PAN3: variants seen among roughly 807,000 people sequenced by gnomAD.
PAN3 encodes poly(A) specific ribonuclease subunit PAN3, also known as PAN2-PAN3 deadenylation complex subunit PAN3.
PAN3 carries 19 observed loss-of-function variants against 96.2 expected under a neutral mutation model. That is an observed-to-expected ratio of 0.20 (90% CI 0.14 to 0.29). The LOEUF is 0.29. Among genes scored for constraint, PAN3 ranks in the 10% least tolerant of loss-of-function variants. The probability of loss-of-function intolerance (pLI) is 1.00; values close to 1 mark genes in which losing one functional copy is unlikely to be tolerated. For missense variants in PAN3, 882 were observed against 1,108.1 expected, an observed-to-expected ratio of 0.80 and a Z score of 2.90; for synonymous variants, 433 against 406.6, an observed-to-expected ratio of 1.06 and a Z score of -0.78.
chr13:28,250,056 T>C (rs138746604), intron 6 of PAN3, among the ~76,000 whole-genome samples: 273 of 152,332 alleles, frequency 1.8e-3, no homozygotes, highest in African/African-American at 6.2e-3. Context: ...TTTCATTGTT[T>C]AGTGTTGCTG....
intron 9 of PAN3, among the ~76,000 whole-genome samples, chr13:28,264,203 TG>T (rs1885970442): frequency 1.3e-5 from 2 of 152,164 alleles, no homozygotes; most frequent in South Asian, 4.1e-4. Flanking sequence ...GTATAAAAAA[TG>T]TAAATAATTG....
intron 6 of PAN3, among the ~76,000 whole-genome samples, chr13:28,226,344 T>C (rs1217569994): frequency 6.6e-6 from 1 of 152,170 alleles, no homozygotes; most frequent in Non-Finnish European, 1.5e-5. Flanking sequence ...ATGGATTCTG[T>C]GGGATAGTCA....
At chr13:28,288,390 C>T (rs1466998481) in intron 18 of PAN3, among the ~76,000 whole-genome samples, 1 of 152,142 alleles carries the variant, frequency 6.6e-6, no homozygotes, top group Non-Finnish European at 1.5e-5. Context: ...ACCTCTGCCT[C>T]CCGGGTTCAA....
intron 5 of PAN3, among the ~76,000 whole-genome samples, chr13:28,208,164 TTC>T (rs1457450771): frequency 6.6e-6 from 1 of 152,198 alleles, no homozygotes; most frequent in Non-Finnish European, 1.5e-5. Flanking sequence ...TATGGTAGGA[TTC>T]TTTGTTAGAA....
intron 1 of PAN3, among the ~76,000 whole-genome samples, chr13:28,143,702 T>C (rs891586042): frequency 6.6e-6 from 1 of 152,222 alleles, no homozygotes; most frequent in East Asian, 1.9e-4. Context: ...TTATTAAATA[T>C]TAATAATCTA....
intron 18 of PAN3, among the ~76,000 whole-genome samples, chr13:28,292,092 A>T (rs1043867765): frequency 6.6e-6 from 1 of 152,230 alleles, no homozygotes; most frequent in Non-Finnish European, 1.5e-5. Flanking sequence ...GTAATTTATT[A>T]TGCCAAAAAT....
intron 14 of PAN3, 96 bp from the exon 15 acceptor site, chr13:28,277,141 A>G: frequency 1.6e-6 from 2 of 1,250,916 alleles, no homozygotes; most frequent in African/African-American, 1.6e-5. Context: ...CAGCTTATTT[A>G]TAATGATGCT....
In PAN3 at chr13:28,197,299, C is replaced by G. The variant is rs1182785026; in HGVS notation, c.805C>G (p.Pro269Ala). 3.1e-6 allele frequency: 5 copies of G among 1,610,956 alleles called. No individual in the cohort carries two copies. In the Admixed American group the frequency reaches 5.0e-5, roughly 16 times the overall value. Residue 269 changes from proline to alanine, a missense_variant, in exon 5 of 19, where the codon CCC (proline) becomes GCC (alanine). By Grantham distance (27) the Pro-to-Ala change is conservative (BLOSUM62 -1). Around this residue, in one of 3 missense-constraint regions of PAN3, gnomAD observed 442 missense variants for 422.8 expected, o/e 1.05. Coordinates refer to ENST00000380958, the MANE Select transcript of PAN3 (RefSeq NM_175854.8). ...TGCTGACAGGTGTAAATCAGGAGTA[C>G]CCATCAATATGGTTTGGTGGAACAG... ...CLADRCKSGV[P>A]INMVWWNRVT...
At chr13:28,268,814 T>C (rs1382266697) in intron 12 of PAN3, among the ~76,000 whole-genome samples, 2 of 142,398 alleles carry the variant, frequency 1.4e-5, no homozygotes, top group African/African-American at 2.6e-5. Context: ...TTGTTACTTC[T>C]TTTTTTTTGC....
chr13:28,281,599 G>T (rs1887471941), intron 17 of PAN3, among the ~76,000 whole-genome samples: 1 of 152,106 alleles, frequency 6.6e-6, no homozygotes, highest in Admixed American at 6.5e-5. Flanking sequence ...AATATGGTGT[G>T]TTAGAAATCT....
At chr13:28,167,893 A>G (rs1873800947) in intron 1 of PAN3, among the ~76,000 whole-genome samples, 1 of 152,196 alleles carries the variant, frequency 6.6e-6, no homozygotes, top group African/African-American at 2.4e-5. Context: ...TATTACTATA[A>G]GCAATTAAGA....
chr13:28,217,218 G>C (rs1442665622), intron 5 of PAN3, among the ~76,000 whole-genome samples: 2 of 152,144 alleles, frequency 1.3e-5, no homozygotes, highest in East Asian at 3.9e-4. Context: ...GATCATTTTT[G>C]AAAGTTGGGG....
At chr13:28,265,890 C>T (rs1233360859) in intron 9 of PAN3, among the ~76,000 whole-genome samples, 1 of 23,428 alleles carries the variant, frequency 4.3e-5, no homozygotes, top group Non-Finnish European at 6.5e-5. Flanking sequence ...CCCGCCACCG[C>T]GCCCGGCTAA....
At chr13:28,185,210 T>A (rs1369169298) in intron 4 of PAN3, among the ~76,000 whole-genome samples, 1 of 152,190 alleles carries the variant, frequency 6.6e-6, no homozygotes, top group East Asian at 1.9e-4. Context: ...TAGGCTTGAA[T>A]GTTCTTCCTG....
At position 28,269,645 on chromosome 13, in the gene PAN3, A is replaced by G. The variant is rs145264418; in HGVS notation, c.1793-1056A>G. Among the ~76,000 whole-genome samples the G allele has an allele frequency of 5.3e-4, 80 of 152,220 alleles. No homozygotes were observed. The South Asian group carries it at 0.012, about 23-fold the overall frequency. On this transcript the variant is annotated intron_variant, in intron 12 of 18. Coordinates refer to ENST00000380958, the MANE Select transcript of PAN3 (RefSeq NM_175854.8). The stretch of plus-strand genomic sequence containing the variant: ...AAAACTCTTGTTTCCTTATTACTAC[A>G]TTAATTAAATAGTTTCATTTAAACA...
intron 17 of PAN3, among the ~76,000 whole-genome samples, chr13:28,285,890 T>C (rs1868911191): frequency 1.3e-5 from 2 of 152,182 alleles, no homozygotes; most frequent in Non-Finnish European, 2.9e-5. Flanking sequence ...TTGCTGGTGG[T>C]TGGTTTTTGT....
At chr13:28,223,604 C>G (rs973680653) in intron 6 of PAN3, among the ~76,000 whole-genome samples, 20 of 151,250 alleles carry the variant, frequency 1.3e-4, no homozygotes, top group African/African-American at 4.9e-4. Flanking sequence ...GCTCTTGTTG[C>G]CCAGGCTGGA....
At chr13:28,229,339 G>A (rs1165362312) in intron 6 of PAN3, among the ~76,000 whole-genome samples, 1 of 151,884 alleles carries the variant, frequency 6.6e-6, no homozygotes, top group Non-Finnish European at 1.5e-5. Flanking sequence ...GAATTTTTTG[G>A]GTATCAGAAG....
intron 5 of PAN3, among the ~76,000 whole-genome samples, chr13:28,209,338 G>A (rs1290625010): frequency 6.6e-6 from 1 of 152,204 alleles, no homozygotes; most frequent in Non-Finnish European, 1.5e-5. Flanking sequence ...ACCATCTTTA[G>A]CATGTTTTTA....
Sources: allele counts gnomAD v4.1 joint callset (sites outside exome capture counted in the v4.1 genomes callset), GRCh38; gene constraint gnomAD v4.1.1; regional missense constraint gnomAD v4.1.1; transcripts MANE v1.5; gene names NCBI Gene and HGNC (gene_info 2026-07-23, HGNC 2026-07-21).